Variants in CREBRF observed in about 807,000 individuals in gnomAD.
The protein encoded by CREBRF is CREB3 regulatory factor.
Under a neutral mutation model 66.1 loss-of-function variants are expected in CREBRF, and 5 were observed. The ratio of observed to expected loss-of-function variants is 0.08; its 90% CI spans 0.04 to 0.16. The LOEUF (loss-of-function observed/expected upper bound fraction) is 0.16. CREBRF is among the 10% of genes least tolerant of loss of function. CREBRF has a pLI of 1.00. For missense variants in CREBRF, 531 were observed against 744.9 expected (o/e 0.71, Z 3.34); for synonymous variants, 229 against 264.4 (o/e 0.87, Z 1.30).
chr5:173,100,118 G>GTGTGTATATA (rs70984939), intron 4 of CREBRF, among the ~76,000 whole-genome samples: 1,441 of 88,292 alleles, frequency 0.016, 66 homozygotes, highest in African/African-American at 0.059. Context: ...GTGTGTGTGT[G>GTGTGTATATA]TATATATATA....
Position 173,117,084 on chromosome 5 carries a change from G to A in CREBRF, c.1681+4705G>A, listed in dbSNP as rs962380533. ...AAAAAAATTGGTTTCTCTTCTAAAG[G>A]TTCTTTATTCTGGGCCGGTCGCAGT... On this transcript the variant is annotated intron_variant, in intron 7 of 8. Transcript: ENST00000296953. 3.9e-5 allele frequency among the ~76,000 whole-genome samples: 6 copies of A among 152,090 alleles called. No individual in the cohort carries two copies. The East Asian group carries it at 7.7e-4, about 20-fold the overall frequency.
At chr5:173,129,106 C>CTTTTTTTTTTTTTT (rs70984946) in intron 8 of CREBRF, among the ~76,000 whole-genome samples, 9 of 53,750 alleles carry the variant, frequency 1.7e-4, no homozygotes, top group African/African-American at 3.3e-4. Flanking sequence ...TTAGTTACAT[C>CTTTTTTTTTTTTTT]TTTTTTTTTT....
intron 8 of CREBRF, among the ~76,000 whole-genome samples, chr5:173,129,558 G>T (rs1561584179): frequency 6.6e-6 from 1 of 151,282 alleles, no homozygotes; most frequent in African/African-American, 2.4e-5. Flanking sequence ...CCCATTTCTA[G>T]AAAAAAAATA....
chr5:173,122,613 T>A (rs1338327105), intron 7 of CREBRF, among the ~76,000 whole-genome samples: 3 of 128,912 alleles, frequency 2.3e-5, no homozygotes, highest in African/African-American at 8.9e-5. Context: ...TTATTATTAT[T>A]ATACTTTAAG....
chr5:173,091,748 AGCATTTAT>A (rs1758347090), intron 4 of CREBRF: 1 of 1,006,914 alleles, frequency 9.9e-7, no homozygotes. Context: ...CACTCTCTTG[AGCATTTAT>A]GCAAAGACAC....
chr5:173,129,058 G>A (rs1581052028), intron 8 of CREBRF, among the ~76,000 whole-genome samples: 1 of 145,312 alleles, frequency 6.9e-6, no homozygotes, highest in South Asian at 2.2e-4. Flanking sequence ...GGGATTACAG[G>A]CGTGAGCCAC....
rs1759354939 is a variant in CREBRF at position 173,129,356 on chromosome 5, T to A, written c.1805-4274T>A. On this transcript the variant is annotated intron_variant, in intron 8 of 8. Transcript: ENST00000296953. ...TGGTCTTGATCTCCTGACCTCGTGA[T>A]CCACCAGCCTCGGCCTCCCAAAGTG... Among the ~76,000 whole-genome samples the A allele has an allele frequency of 6.6e-5, 10 of 151,600 alleles. No homozygotes were observed. The South Asian group carries it at 1.9e-3, about 28-fold the overall frequency.
Position 173,090,855 on chromosome 5 carries a change from A to G in CREBRF, c.676A>G (p.Asn226Asp). 16 of 1,614,186 alleles carry G rather than the reference A, an allele frequency of 9.9e-6. No homozygotes were observed. Among genetic ancestry groups the G allele is most frequent in the Non-Finnish European group, 1.4e-5 (16 of 1,180,028 alleles). ...KTNMYHNEKV[N>D]FHVECKDYVK... ...CAACATGTATCATAATGAAAAGGTG[A>G]ACTTTCATGTTGAATGTAAAGACTA... is the stretch of plus-strand genomic sequence containing the variant. Residue 226 changes from asparagine (N) to aspartate (D), a missense_variant, in exon 4 of 9, where the codon AAC becomes GAC. This residue lies in a region of CREBRF where 309 missense variants were observed against 341.4 expected (regional missense o/e 0.90). Transcript: ENST00000296953. This position sits in a 1 kb window ranked among gnomAD's most constrained non-coding sequence, Gnocchi z 4.5.
intron 8 of CREBRF, among the ~76,000 whole-genome samples, chr5:173,131,984 C>T (rs1759439101): frequency 3.3e-5 from 5 of 151,056 alleles, no homozygotes; most frequent in Admixed American, 3.3e-4. Context: ...CCCACTTCGG[C>T]CTCCTAAAGT....
At chr5:173,127,245 C>T (rs1203237438) in intron 8 of CREBRF, among the ~76,000 whole-genome samples, 1 of 150,896 alleles carries the variant, frequency 6.6e-6, no homozygotes, top group East Asian at 1.9e-4. Flanking sequence ...TCACTGCAAC[C>T]TCCGCCTCCT....
At chr5:173,100,195 C>CA (rs1018926445) in intron 4 of CREBRF, among the ~76,000 whole-genome samples, 1 of 136,324 alleles carries the variant, frequency 7.3e-6, no homozygotes, top group Non-Finnish European at 1.5e-5. Context: ...AGGCTGGTCT[C>CA]AAACTCTTGA....
intron 1 of CREBRF, among the ~76,000 whole-genome samples, chr5:173,072,592 C>CT (rs76691654): frequency 0.11 from 14,267 of 135,578 alleles, 1,038 homozygotes; most frequent in South Asian, 0.17. Context: ...CTGATTTTTA[C>CT]TTTTTTTTTT....
At chr5:173,100,118 G>GTGTGTGTGTGTGTGTGTATATA (rs70984939) in intron 4 of CREBRF, among the ~76,000 whole-genome samples, 1 of 88,332 alleles carries the variant, frequency 1.1e-5, no homozygotes, top group South Asian at 3.9e-4. Flanking sequence ...GTGTGTGTGT[G>GTGTGTGTGTGTGTGTGTATATA]TATATATATA....
chr5:173,098,704 C>T (rs896785207), intron 4 of CREBRF, among the ~76,000 whole-genome samples: 1 of 152,030 alleles, frequency 6.6e-6, no homozygotes, highest in African/African-American at 2.4e-5. Context: ...TTGAAGTCCC[C>T]TATATTACCG....
At chr5:173,085,725 C>T in intron 2 of CREBRF, 3 of 759,434 alleles carry the variant, frequency 4.0e-6, no homozygotes, top group Non-Finnish European at 7.4e-6. Context: ...CCATCAGATA[C>T]ATTCTTTAGG....
chr5:173,097,442 G>A lies in CREBRF; in HGVS notation c.1222+6041G>A, dbSNP rs553589781. ...GTATTTTTAGTAGAGATGAAGTTTC[G>A]TCATGTTGGCCAGGCTAGTCTGGAA... On this transcript the variant is annotated intron_variant, in intron 4 of 8. Coordinates refer to ENST00000296953, the MANE Select transcript of CREBRF (RefSeq NM_153607.3). 7.9e-5 allele frequency among the ~76,000 whole-genome samples: 12 copies of A among 152,018 alleles called. No individual in the cohort carries two copies. In the South Asian group the frequency reaches 2.1e-3, roughly 26 times the overall value.
At chr5:173,070,707 A>G (rs982548405) in intron 1 of CREBRF, among the ~76,000 whole-genome samples, 12 of 152,154 alleles carry the variant, frequency 7.9e-5, no homozygotes, top group African/African-American at 2.9e-4. Flanking sequence ...ACAATTTTTC[A>G]TATTTTTACT....
intron 1 of CREBRF, among the ~76,000 whole-genome samples, chr5:173,063,789 C>T (rs1757352417): frequency 6.6e-6 from 1 of 151,568 alleles, no homozygotes; most frequent in Non-Finnish European, 1.5e-5. Flanking sequence ...GTGGTGTAAT[C>T]TCTGCCCCTG....
At chr5:173,123,311 C>G (rs917090092) in intron 8 of CREBRF, 109 bp downstream of exon 8, 44 of 1,010,600 alleles carry the variant, frequency 4.4e-5, no homozygotes, top group Non-Finnish European at 5.3e-5. Flanking sequence ...CAAGTGCTCT[C>G]ATTGTAATTA....
Sources: gnomAD v4.1 joint callset for allele counts (sites outside exome capture counted in the v4.1 genomes callset) on GRCh38, gnomAD v4.1.1 for gene constraint, gnomAD v4.1.1 regional missense constraint, Gnocchi (gnomAD v3.1) non-coding constraint, MANE v1.5 for transcripts, NCBI Gene and HGNC (gene_info 2026-07-23, HGNC 2026-07-21) for gene names.